DGKB: variants seen among roughly 807,000 people sequenced by gnomAD.
DGKB encodes the protein 90 kDa diacylglycerol kinase.
DGKB carries 67 observed loss-of-function variants against 114.3 expected under a neutral mutation model. That is an observed-to-expected ratio of 0.59 (90% CI 0.48 to 0.72). DGKB has a LOEUF of 0.72. Among genes scored for constraint, DGKB ranks in the 30% least tolerant of loss-of-function variants. DGKB has a pLI of 0.00. For synonymous variants in DGKB, 398 were observed against 323.1 expected, an observed-to-expected ratio of 1.23 and a Z score of -2.49; for missense variants, 907 against 975.2, an observed-to-expected ratio of 0.93 and a Z score of 0.93.
intron 23 of DGKB, among the ~76,000 whole-genome samples, chr7:14,315,387 C>T (rs1056652435): frequency 8.7e-5 from 13 of 149,478 alleles, no homozygotes; most frequent in Middle Eastern, 3.5e-3. Flanking sequence ...TCAGGAAACC[C>T]ATCTCACGTG....
intron 1 of DGKB, among the ~76,000 whole-genome samples, chr7:14,914,240 G>A (rs1281863052): frequency 6.6e-6 from 1 of 152,092 alleles, no homozygotes; most frequent in African/African-American, 2.4e-5. Flanking sequence ...CACATAAGGG[G>A]AAGGAAAAGA....
chr7:14,751,975 G>A (rs1248538813), intron 4 of DGKB, among the ~76,000 whole-genome samples: 1 of 152,142 alleles, frequency 6.6e-6, no homozygotes, highest in Non-Finnish European at 1.5e-5. Context: ...AAGACACAGA[G>A]CTATTTATTA....
intron 17 of DGKB, among the ~76,000 whole-genome samples, chr7:14,599,351 G>A (rs1803138679): frequency 6.6e-6 from 1 of 152,176 alleles, no homozygotes; most frequent in African/African-American, 2.4e-5. Flanking sequence ...GCCCTTAGTA[G>A]CTTTCTGACA....
intron 21 of DGKB, among the ~76,000 whole-genome samples, chr7:14,399,475 AC>A (rs1354406999): frequency 6.6e-6 from 1 of 151,714 alleles, no homozygotes; most frequent in Non-Finnish European, 1.5e-5. Flanking sequence ...TTTATTAATA[AC>A]AATACTTACA....
At chr7:14,860,911 T>C (rs1223304691) in intron 1 of DGKB, among the ~76,000 whole-genome samples, 1 of 152,064 alleles carries the variant, frequency 6.6e-6, no homozygotes, top group East Asian at 1.9e-4. Context: ...ATTAAGATAA[T>C]AGATTTTTCT....
chr7:14,171,522 T>C (rs530468191), intron 25 of DGKB, among the ~76,000 whole-genome samples: 1 of 152,326 alleles, frequency 6.6e-6, no homozygotes, highest in South Asian at 2.1e-4. Context: ...AAGCAATGTA[T>C]AATTGATAAT....
Position 14,145,624 on chromosome 7 carries a change from A to G in DGKB, c.*3507T>C, listed in dbSNP as rs916940205. 2.0e-5 allele frequency: 3 copies of G among 152,120 alleles called. No individual in the cohort carries two copies. The highest frequency in any genetic ancestry group is 7.2e-5 in the African/African-American group (3 of 41,494). 9.4% of individuals were successfully genotyped at this position (152,120 alleles called of 1,614,324 possible). ...CAGGCATGTGCCACCATGCCTGGCT[A>G]ATTTTTGTATTTTTAGTAGAGACGA... is the stretch of plus-strand genomic sequence containing the variant. On this transcript the variant is annotated 3_prime_UTR_variant, in exon 26 of 26. Coordinates refer to ENST00000402815, the MANE Select transcript of DGKB (RefSeq NM_001350709.2).
At chr7:14,687,291 C>G (rs1000473252) in intron 9 of DGKB, among the ~76,000 whole-genome samples, 15 of 152,030 alleles carry the variant, frequency 9.9e-5, no homozygotes, top group African/African-American at 3.6e-4. Context: ...AATTTTGGAC[C>G]CTTTACAATT....
chr7:14,716,091 T>TA lies in DGKB; in HGVS notation c.466+2450dup, dbSNP rs547037525. ...TAATTCGTTTATCTAATAACCCAGG[T>TA]AAAATACCTAACAAATACTGCCACT... On this transcript the variant is annotated intron_variant, in intron 6 of 25. Transcript: ENST00000402815. 3.3e-5 allele frequency among the ~76,000 whole-genome samples: 5 copies of TA among 152,234 alleles called. No individual in the cohort carries two copies. In the South Asian group the frequency reaches 1.0e-3, roughly 32 times the overall value.
intron 21 of DGKB, among the ~76,000 whole-genome samples, chr7:14,361,251 AAACAG>A (rs1815682033): frequency 2.0e-5 from 3 of 152,060 alleles, no homozygotes; most frequent in South Asian, 2.1e-4. Flanking sequence ...GAAACAGAAA[AAACAG>A]AACAGTTCTC....
At chr7:14,519,028 A>G (rs1205591512) in intron 20 of DGKB, among the ~76,000 whole-genome samples, 1 of 152,062 alleles carries the variant, frequency 6.6e-6, no homozygotes, top group African/African-American at 2.4e-5. Context: ...CTACACACGG[A>G]GTTTTTTCAT....
intron 2 of DGKB, among the ~76,000 whole-genome samples, chr7:14,827,694 T>C (rs1253549481): frequency 1.3e-5 from 2 of 152,062 alleles, no homozygotes; most frequent in Non-Finnish European, 2.9e-5. Context: ...GGAGACGCCT[T>C]ATGGAGAAGA....
At chr7:14,593,751 G>A (rs1802071050) in intron 17 of DGKB, among the ~76,000 whole-genome samples, 1 of 150,126 alleles carries the variant, frequency 6.7e-6, no homozygotes, top group South Asian at 2.1e-4. Flanking sequence ...CAACAGACCA[G>A]AACAAACCAG....
intron 5 of DGKB, among the ~76,000 whole-genome samples, chr7:14,734,023 G>A (rs955078313): frequency 8.0e-6 from 1 of 125,054 alleles, no homozygotes; most frequent in African/African-American, 3.7e-5. Flanking sequence ...ACCAACACGT[G>A]TGTGTGTGTG....
chr7:14,595,131 G>C (rs1802349422), intron 17 of DGKB, among the ~76,000 whole-genome samples: 1 of 151,944 alleles, frequency 6.6e-6, no homozygotes, highest in South Asian at 2.1e-4. Context: ...TCGAAGCTTA[G>C]GTAAAGTTAA....
At chr7:14,762,204 G>A (rs1835802640) in intron 2 of DGKB, among the ~76,000 whole-genome samples, 1 of 152,096 alleles carries the variant, frequency 6.6e-6, no homozygotes, top group Admixed American at 6.6e-5. Flanking sequence ...GTTTTATTAA[G>A]CAAACATTCT....
At chr7:14,896,685 T>C (rs1397637735) in intron 1 of DGKB, among the ~76,000 whole-genome samples, 1 of 151,734 alleles carries the variant, frequency 6.6e-6, no homozygotes, top group Non-Finnish European at 1.5e-5. Flanking sequence ...TGTATTTTCA[T>C]TATTCCTGTT....
chr7:14,384,555 C>A (rs979298302), intron 21 of DGKB, among the ~76,000 whole-genome samples: 4 of 152,136 alleles, frequency 2.6e-5, no homozygotes, highest in African/African-American at 9.7e-5. Flanking sequence ...AATGAATTTC[C>A]CTCATACTTA....
chr7:14,585,897 T>C (rs985015141), intron 17 of DGKB, among the ~76,000 whole-genome samples: 4 of 152,148 alleles, frequency 2.6e-5, no homozygotes, highest in Admixed American at 1.3e-4. Context: ...GAGAACATAA[T>C]TGTGAATGTT....
Sources: gnomAD v4.1 joint callset for allele counts (sites outside exome capture counted in the v4.1 genomes callset) on GRCh38, gnomAD v4.1.1 for gene constraint, MANE v1.5 for transcripts, NCBI Gene and HGNC (gene_info 2026-07-23, HGNC 2026-07-21) for gene names.